Variants in ACAD11 observed in about 807,000 individuals in gnomAD.
ACAD11 encodes the protein acyl-Coenzyme A dehydrogenase family, member 11.
ACAD11 carries 83 observed loss-of-function variants against 102.2 expected under a neutral mutation model. The observed-to-expected ratio is 0.81, with a 90% CI of 0.68 to 0.97. ACAD11 has a LOEUF of 0.97. Ranked by LOEUF, ACAD11 falls within the 50% of genes least tolerant of loss-of-function variation. The pLI is 0.00. For missense variants in ACAD11, 901 were observed against 951.7 expected (o/e 0.95, Z 0.70); for synonymous variants, 324 against 319.8 (o/e 1.01, Z -0.14).
At chr3:132,571,105 G>GT (rs1937362773) in intron 17 of ACAD11, among the ~76,000 whole-genome samples, 1 of 152,060 alleles carries the variant, frequency 6.6e-6, no homozygotes, top group Non-Finnish European at 1.5e-5. Flanking sequence ...CACAATGGCT[G>GT]AACTCCCACC....
Position 132,655,721 on chromosome 3 carries a change from C to T in ACAD11, c.149+3882G>A, listed in dbSNP as rs1937756001. ...TTCAGAAGCTGATTTTCCTGTCTGT[C>T]TTCTACAAATACAATGGAAGTTCCA... On this transcript the variant is annotated intron_variant, in intron 1 of 19. Coordinates refer to ENST00000264990, the MANE Select transcript of ACAD11 (RefSeq NM_032169.5). 1.3e-5 allele frequency among the ~76,000 whole-genome samples: 2 copies of T among 152,178 alleles called. 1 individual carries two copies. The highest frequency in any genetic ancestry group is 4.1e-4 in the South Asian group (2 of 4,834).
chr3:132,637,044 A>C (rs758184648), intron 5 of ACAD11, among the ~76,000 whole-genome samples: 1 of 152,190 alleles, frequency 6.6e-6, no homozygotes, highest in Non-Finnish European at 1.5e-5. Context: ...CATGTGGCAT[A>C]AAAATGTCCC....
chr3:132,627,120 A>G (rs942778387), intron 8 of ACAD11: 4 of 193,348 alleles, frequency 2.1e-5, no homozygotes, highest in African/African-American at 9.4e-5. Context: ...ACATGCCCAC[A>G]ATGGACTGGG....
At position 132,657,611 on chromosome 3, in the gene ACAD11, C is replaced by T. The variant is rs117380272; in HGVS notation, c.149+1992G>A. On this transcript the variant is annotated intron_variant, in intron 1 of 19. Coordinates refer to ENST00000264990, the MANE Select transcript of ACAD11 (RefSeq NM_032169.5). ...TTTAAGGTCCTAATAAAAGTTTTAT[C>T]ATTTCTCTACAAAGGTATTGCACAT... Among the ~76,000 whole-genome samples the T allele has an allele frequency of 4.5e-3, 692 of 152,260 alleles. 16 individuals carry two copies. The East Asian group carries it at 0.074, about 16-fold the overall frequency.
chr3:132,615,565 C>T (rs1256616544), intron 11 of ACAD11, among the ~76,000 whole-genome samples: 1 of 152,086 alleles, frequency 6.6e-6, no homozygotes, highest in Admixed American at 6.6e-5. Context: ...TCTCAGCAAA[C>T]TAATACAGGA....
At chr3:132,610,267 G>A (rs1005734573) in intron 11 of ACAD11, among the ~76,000 whole-genome samples, 1 of 152,038 alleles carries the variant, frequency 6.6e-6, no homozygotes, top group Admixed American at 6.6e-5. Context: ...GCCCACAAGA[G>A]AAAGCAGGAA....
At chr3:132,631,602 A>G (rs1940044095) in intron 5 of ACAD11, 123 bp from the exon 6 acceptor site, 17 of 721,212 alleles carry the variant, frequency 2.4e-5, no homozygotes, top group Non-Finnish European at 3.4e-5. Context: ...TCAGGTCTTT[A>G]CCCACAGTGG....
chr3:132,645,745 T>C (rs1474174779), intron 1 of ACAD11: 6 of 152,186 alleles, frequency 3.9e-5, no homozygotes, highest in African/African-American at 1.4e-4. Flanking sequence ...TGAGCCTAGA[T>C]TGAGTCTGGC....
intron 4 of ACAD11, among the ~76,000 whole-genome samples, chr3:132,641,557 TGATGAA>T (rs1382048357): frequency 2.0e-5 from 2 of 100,800 alleles, no homozygotes; most frequent in Admixed American, 9.7e-5. Flanking sequence ...ATGATGATGA[TGATGAA>T]GAAGAAGAAG....
At chr3:132,622,214 C>T (rs747883020) in intron 9 of ACAD11, among the ~76,000 whole-genome samples, 3 of 152,062 alleles carry the variant, frequency 2.0e-5, no homozygotes, top group Non-Finnish European at 4.4e-5. Context: ...ACTCATATAA[C>T]AATGTACTAA....
intron 17 of ACAD11, among the ~76,000 whole-genome samples, chr3:132,564,106 T>C (rs963615684): frequency 6.6e-6 from 1 of 152,214 alleles, no homozygotes; most frequent in Non-Finnish European, 1.5e-5. Flanking sequence ...TATCGAGTTA[T>C]AGACATGAAT....
At chr3:132,602,630 T>A (rs1938662186) in intron 13 of ACAD11, among the ~76,000 whole-genome samples, 1 of 152,188 alleles carries the variant, frequency 6.6e-6, no homozygotes, top group African/African-American at 2.4e-5. Context: ...TGCTAGCAAT[T>A]ACATTGGTCA....
intron 5 of ACAD11, among the ~76,000 whole-genome samples, chr3:132,633,284 G>GA (rs1940127464): frequency 6.6e-6 from 1 of 152,104 alleles, no homozygotes; most frequent in Non-Finnish European, 1.5e-5. Flanking sequence ...TTAGCATGAA[G>GA]GGTTGTTGAA....
At chr3:132,584,230 A>C (rs1937695551) in intron 13 of ACAD11, among the ~76,000 whole-genome samples, 1 of 152,116 alleles carries the variant, frequency 6.6e-6, no homozygotes, top group Non-Finnish European at 1.5e-5. Context: ...TTGCTTTATA[A>C]ATCTGGGTGC....
intron 13 of ACAD11, among the ~76,000 whole-genome samples, chr3:132,593,767 G>A (rs1015324421): frequency 2.0e-4 from 30 of 152,270 alleles, no homozygotes; most frequent in African/African-American, 7.2e-4. Flanking sequence ...AGGGTGTGGG[G>A]AGAGAGATTC....
At chr3:132,628,839 G>C (rs186434055) in intron 7 of ACAD11, among the ~76,000 whole-genome samples, 2 of 152,248 alleles carry the variant, frequency 1.3e-5, no homozygotes, top group Admixed American at 1.3e-4. Context: ...ACAATGAGAC[G>C]ATCTCTAAGA....
In ACAD11 at chr3:132,558,937, T is replaced by C. The variant is rs767132582; in HGVS notation, c.*34A>G. ...CCAATGAAGTTTGTATAAAGGAGAG[T>C]TTCTGCCAGTGGGATGTGGCAGTGC... On this transcript the variant is annotated 3_prime_UTR_variant, in exon 20 of 20. Transcript: ENST00000264990. 10 of 1,511,622 alleles carry C rather than the reference T, an allele frequency of 6.6e-6. No homozygotes were observed. The highest frequency in any genetic ancestry group is 8.2e-6 in the Non-Finnish European group (9 of 1,093,664). The allele number at this position is 1,511,622 out of a possible 1,614,324, so 93.6% of individuals were successfully genotyped here.
intron 4 of ACAD11, 98 bp from the exon 5 acceptor site, chr3:132,639,754 C>A: frequency 8.7e-7 from 1 of 1,144,080 alleles, no homozygotes; most frequent in Admixed American, 2.6e-5. Context: ...TGTTTTACTC[C>A]TAAATACTTA....
At position 132,659,805 on chromosome 3, in the gene ACAD11, G is replaced by A. The variant is rs559137175; in HGVS notation, c.-54C>T. The A allele has an allele frequency of 4.5e-5, 69 of 1,533,248 alleles. No individual in the cohort carries two copies. The highest frequency in any genetic ancestry group is 5.9e-5 in the Non-Finnish European group (67 of 1,141,612). 95.0% of individuals were successfully genotyped at this position (1,533,248 alleles called of 1,614,324 possible). ...GCATCCACAGGTCTCGAGTGCCGAA[G>A]TCCTTCAGGATTGGGGCAACGTCCC... On this transcript the variant is annotated 5_prime_UTR_variant, in exon 1 of 20. Transcript: ENST00000264990.
Sources: allele counts gnomAD v4.1 joint callset (sites outside exome capture counted in the v4.1 genomes callset), GRCh38; gene constraint gnomAD v4.1.1; transcripts MANE v1.5; gene names NCBI Gene and HGNC (gene_info 2026-07-23, HGNC 2026-07-21).